GRM5: variants seen among roughly 807,000 people sequenced by gnomAD.
GRM5 encodes the protein metabotropic glutamate receptor 5.
A neutral mutation model predicts 83.1 loss-of-function variants in GRM5; 19 were observed. That is an observed-to-expected ratio of 0.23 (90% CI 0.16 to 0.34). GRM5 has a LOEUF of 0.34. GRM5 is among the 10% of genes least tolerant of loss of function. GRM5 has a pLI of 1.00. For synonymous variants in GRM5, 675 were observed against 633.6 expected (o/e 1.07, Z -0.98); for missense variants, 1,160 against 1,588.3 (o/e 0.73, Z 4.58).
At chr11:89,008,376 G>T (rs1369150717) in intron 2 of GRM5, among the ~76,000 whole-genome samples, 1 of 151,918 alleles carries the variant, frequency 6.6e-6, no homozygotes, top group Non-Finnish European at 1.5e-5. Context: ...AATTTCCTCT[G>T]GTGTTATTTC....
intron 3 of GRM5, among the ~76,000 whole-genome samples, chr11:88,751,511 A>G (rs1034461055): frequency 6.6e-6 from 1 of 152,190 alleles, no homozygotes; most frequent in African/African-American, 2.4e-5. Context: ...TTCACAGCTG[A>G]ATTCTACCAG....
chr11:88,655,063 C>T (rs7483691), intron 3 of GRM5, among the ~76,000 whole-genome samples: 84,502 of 151,934 alleles, frequency 0.56, 27,380 homozygotes, highest in South Asian at 0.81. Flanking sequence ...CTGTTTTTCT[C>T]TAAGTCCTCC....
intron 3 of GRM5, among the ~76,000 whole-genome samples, chr11:88,657,254 T>A (rs535491653): frequency 6.6e-6 from 1 of 152,306 alleles, no homozygotes; most frequent in Admixed American, 6.5e-5. Context: ...ATTTACTGTT[T>A]GCTGCATGTT....
At chr11:88,877,987 C>A (rs1038824181) in intron 2 of GRM5, among the ~76,000 whole-genome samples, 62 of 151,694 alleles carry the variant, frequency 4.1e-4, no homozygotes, top group Non-Finnish European at 8.7e-4. Flanking sequence ...CTCATGTACC[C>A]TAAAACTTAA....
chr11:88,831,875 G>A (rs1176583533), intron 3 of GRM5, among the ~76,000 whole-genome samples: 1 of 152,200 alleles, frequency 6.6e-6, no homozygotes, highest in African/African-American at 2.4e-5. Flanking sequence ...ACCAGCACCT[G>A]AGCAAGCTGT....
chr11:88,745,809 C>G (rs1942126428), intron 3 of GRM5, among the ~76,000 whole-genome samples: 3 of 152,142 alleles, frequency 2.0e-5, no homozygotes, highest in African/African-American at 4.8e-5. Flanking sequence ...GCAGCCAATC[C>G]ACCTCAGCGT....
chr11:88,631,301 G>A (rs1554984477), intron 4 of GRM5, among the ~76,000 whole-genome samples: 2 of 152,132 alleles, frequency 1.3e-5, no homozygotes, highest in African/African-American at 2.4e-5. Flanking sequence ...GGAAACATCT[G>A]TTTTTTGTTT....
chr11:88,508,644 T>C lies in GRM5; in HGVS notation c.3587A>G (p.Lys1196Arg). 4 of 1,609,908 alleles carry C rather than the reference T, an allele frequency of 2.5e-6. No individual in the cohort carries two copies. Among genetic ancestry groups the C allele is most frequent in the Middle Eastern group, 1.7e-4 (1 of 6,052 alleles). ...ATCTCTTATGATAAGAGTGTCATAT[T>C]TGGGAGACGACGGGATACAGAGGGC... ...ESALCIPSSP[K>R]YDTLIIRDYT... The change falls in exon 10 of 10, where the codon AAA (lysine) becomes AGA (arginine). Residue 1196 changes from lysine (K) to arginine (R), a missense_variant. Physicochemically the swap from Lys to Arg is conservative, Grantham distance 26 (BLOSUM62 2). This residue lies in a region of GRM5 where 562 missense variants were observed against 532.4 expected (regional missense o/e 1.06). Coordinates refer to ENST00000305447, the MANE Select transcript of GRM5 (RefSeq NM_001143831.3). The surrounding 1 kb of genome is among the most constrained non-coding windows in gnomAD (Gnocchi z 4.2).
chr11:88,742,126 C>T (rs893343478), intron 3 of GRM5, among the ~76,000 whole-genome samples: 2 of 151,806 alleles, frequency 1.3e-5, no homozygotes, highest in African/African-American at 2.4e-5. Context: ...ATTTGTGTAA[C>T]CCCTTTCCTA....
At chr11:88,524,320 C>G (rs949982467) in intron 9 of GRM5, among the ~76,000 whole-genome samples, 3 of 149,050 alleles carry the variant, frequency 2.0e-5, no homozygotes, top group Admixed American at 6.7e-5. Flanking sequence ...TGGGTTCAAG[C>G]AGTCCTCTGG....
At chr11:88,521,043 C>T (rs553273062) in intron 9 of GRM5, among the ~76,000 whole-genome samples, 77 of 152,224 alleles carry the variant, frequency 5.1e-4, no homozygotes, top group South Asian at 1.5e-3. Context: ...ATTTGACTGA[C>T]GGAGCCCTTC....
chr11:89,035,576 A>G (rs1311002757), intron 2 of GRM5, among the ~76,000 whole-genome samples: 1 of 151,932 alleles, frequency 6.6e-6, no homozygotes, highest in Non-Finnish European at 1.5e-5. Context: ...ATGCAGAAAT[A>G]TCTTTTCATT....
chr11:89,033,488 T>C (rs1299543472), intron 2 of GRM5, among the ~76,000 whole-genome samples: 1 of 152,016 alleles, frequency 6.6e-6, no homozygotes, highest in Non-Finnish European at 1.5e-5. Context: ...ACTCCACTCA[T>C]GTCCACTTTA....
intron 3 of GRM5, among the ~76,000 whole-genome samples, chr11:88,710,259 G>A (rs1370107737): frequency 2.0e-5 from 3 of 152,006 alleles, no homozygotes; most frequent in Non-Finnish European, 4.4e-5. Flanking sequence ...AGAACATATT[G>A]ACAACAAAAT....
At chr11:88,717,336 G>A (rs376093450) in intron 3 of GRM5, among the ~76,000 whole-genome samples, 7 of 151,788 alleles carry the variant, frequency 4.6e-5, no homozygotes, top group South Asian at 2.1e-4. Context: ...TTTGTTAATC[G>A]TGTTAATGAT....
intron 3 of GRM5, among the ~76,000 whole-genome samples, chr11:88,748,719 G>A (rs575806002): frequency 4.9e-4 from 74 of 152,146 alleles, no homozygotes; most frequent in African/African-American, 1.8e-3. Context: ...ACCCCCCCAG[G>A]ACCAAGCTTC....
intron 2 of GRM5, among the ~76,000 whole-genome samples, chr11:88,956,751 A>G (rs1233017285): frequency 6.6e-6 from 1 of 152,226 alleles, no homozygotes; most frequent in East Asian, 1.9e-4. Context: ...ACTTGCAGTG[A>G]GCCGAGATTG....
intron 3 of GRM5, among the ~76,000 whole-genome samples, chr11:88,778,838 T>G (rs920041550): frequency 1.3e-5 from 2 of 152,208 alleles, no homozygotes; most frequent in African/African-American, 4.8e-5. Flanking sequence ...TTTCAAGTTA[T>G]CTATCACTAA....
At chr11:88,900,236 A>G (rs899142243) in intron 2 of GRM5, among the ~76,000 whole-genome samples, 1 of 152,176 alleles carries the variant, frequency 6.6e-6, no homozygotes, top group Non-Finnish European at 1.5e-5. Context: ...TGGTAAATGT[A>G]TAACAACCTG....
Sources: allele counts gnomAD v4.1 joint callset (sites outside exome capture counted in the v4.1 genomes callset), GRCh38; gene constraint gnomAD v4.1.1; regional missense constraint gnomAD v4.1.1; non-coding constraint Gnocchi (gnomAD v3.1); transcripts MANE v1.5; gene names NCBI Gene and HGNC (gene_info 2026-07-23, HGNC 2026-07-21).